Variants in BRD10 observed in about 807,000 individuals in gnomAD.
The protein encoded by BRD10 is bromodomain containing 10, also known as uncharacterized bromodomain-containing protein 10.
At chr9:5,929,190 G>T in the BRD10 span, 2 of 1,097,816 alleles carry the variant, frequency 1.8e-6, no homozygotes, top group South Asian at 1.4e-5. Flanking sequence ...AAATCCCTTA[G>T]ATTTATTCTA....
At chr9:5,962,037 C>T in the BRD10 span, among the ~76,000 whole-genome samples, 1 of 152,024 alleles carries the variant, frequency 6.6e-6, no homozygotes, top group Non-Finnish European at 1.5e-5. Context: ...AATATGTTTG[C>T]TCTTGCTTTT....
the BRD10 span, among the ~76,000 whole-genome samples, chr9:5,977,672 A>G: frequency 3.9e-5 from 6 of 152,042 alleles, no homozygotes; most frequent in Non-Finnish European, 1.5e-5. Flanking sequence ...CGTCTCTACT[A>G]AAAATACAAA....
chr9:6,004,187 C>A, the BRD10 span, among the ~76,000 whole-genome samples: 1 of 152,186 alleles, frequency 6.6e-6, no homozygotes, highest in Non-Finnish European at 1.5e-5. Flanking sequence ...CCACATTCAC[C>A]CCTTCCGCTT....
the BRD10 span, among the ~76,000 whole-genome samples, chr9:5,987,102 T>C: frequency 6.6e-6 from 1 of 152,176 alleles, no homozygotes; most frequent in African/African-American, 2.4e-5. Context: ...TCAGGATAAA[T>C]GCTGAATACA....
At chr9:5,969,117 C>A in the BRD10 span, 1 of 1,613,862 alleles carries the variant, frequency 6.2e-7, no homozygotes, top group South Asian at 1.1e-5. Flanking sequence ...TGCCTCAGCG[C>A]TGCTTCCCAG....
At chr9:6,004,947 G>A in the BRD10 span, among the ~76,000 whole-genome samples, 1 of 152,140 alleles carries the variant, frequency 6.6e-6, no homozygotes. Context: ...ACAAAAAAGC[G>A]AGGGACTCCA....
chr9:5,922,322 G>C, the BRD10 span: 1 of 1,613,980 alleles, frequency 6.2e-7, no homozygotes, highest in Non-Finnish European at 8.5e-7. Context: ...GGTCGGTGAA[G>C]CACTGGGCAA....
the BRD10 span, chr9:5,892,499 A>C: frequency 6.2e-7 from 1 of 1,613,806 alleles, no homozygotes; most frequent in Non-Finnish European, 8.5e-7. Flanking sequence ...TGCTCACTTC[A>C]TCTATGGTTA....
the BRD10 span, among the ~76,000 whole-genome samples, chr9:5,937,530 G>A: frequency 6.6e-6 from 1 of 152,006 alleles, no homozygotes. Context: ...ACAAGACTCC[G>A]TTTACAAAAA....
At chr9:5,973,405 T>A in the BRD10 span, among the ~76,000 whole-genome samples, 1 of 152,182 alleles carries the variant, frequency 6.6e-6, no homozygotes, top group African/African-American at 2.4e-5. Context: ...AGGCAGAGGC[T>A]GCAGTGAGCT....
At chr9:5,943,029 C>A in the BRD10 span, among the ~76,000 whole-genome samples, 1 of 152,118 alleles carries the variant, frequency 6.6e-6, no homozygotes, top group Non-Finnish European at 1.5e-5. Context: ...AGGCATGCAC[C>A]ACCACGCTGA....
the BRD10 span, chr9:5,908,924 A>T: frequency 1.8e-6 from 1 of 545,958 alleles, no homozygotes. Flanking sequence ...CTCCATCAAT[A>T]AATGTTGCAA....
the BRD10 span, among the ~76,000 whole-genome samples, chr9:5,982,646 G>C: frequency 6.6e-6 from 1 of 152,142 alleles, no homozygotes; most frequent in African/African-American, 2.4e-5. Context: ...CCTGACCTTG[G>C]ACTTCACATC....
chr9:5,959,143 T>C, the BRD10 span, among the ~76,000 whole-genome samples: 2 of 152,160 alleles, frequency 1.3e-5, no homozygotes, highest in Admixed American at 6.5e-5. Flanking sequence ...TATTGCAGCA[T>C]CTCTCTCAAA....
the BRD10 span, among the ~76,000 whole-genome samples, chr9:5,901,257 T>C: frequency 6.6e-6 from 1 of 152,212 alleles, no homozygotes; most frequent in African/African-American, 2.4e-5. Flanking sequence ...TCCAGTATGA[T>C]GCTGAAAAGG....
the BRD10 span, among the ~76,000 whole-genome samples, chr9:5,943,759 C>G: frequency 6.6e-6 from 1 of 152,138 alleles, no homozygotes. Context: ...TCCACATTCT[C>G]AAGTTAATTA....
the BRD10 span, among the ~76,000 whole-genome samples, chr9:5,928,671 G>C: frequency 3.3e-5 from 5 of 152,066 alleles, no homozygotes; most frequent in Non-Finnish European, 4.4e-5. Flanking sequence ...ATTTCTTTAA[G>C]GTCTCTGTTC....
chr9:5,940,646 T>G, the BRD10 span, among the ~76,000 whole-genome samples: 8 of 152,198 alleles, frequency 5.3e-5, no homozygotes, highest in Non-Finnish European at 1.0e-4. Context: ...AAATTTCCAC[T>G]ACGAGGGGTG....
the BRD10 span, chr9:5,919,918 A>T: frequency 1.2e-6 from 2 of 1,614,028 alleles, no homozygotes; most frequent in South Asian, 2.2e-5. Context: ...GTGGAGGATT[A>T]CTGGGGCAAA....
Sources: gnomAD v4.1 joint callset for allele counts (sites outside exome capture counted in the v4.1 genomes callset) on GRCh38, gnomAD v4.1.1 for gene constraint, MANE v1.5 for transcripts, NCBI Gene and HGNC (gene_info 2026-07-23, HGNC 2026-07-21) for gene names.